NFIB: variants seen among roughly 807,000 people sequenced by gnomAD.
The protein encoded by NFIB is nuclear factor I B.
A neutral mutation model predicts 61.5 loss-of-function variants in NFIB; 11 were observed. That is an observed-to-expected ratio of 0.18 (90% CI 0.11 to 0.30). The LOEUF (loss-of-function observed/expected upper bound fraction) is 0.30. Ranked by LOEUF, NFIB falls within the 10% of genes least tolerant of loss-of-function variation. The pLI is 1.00. For synonymous variants in NFIB, 260 were observed against 216.5 expected, an observed-to-expected ratio of 1.20 and a Z score of -1.76; for missense variants, 471 against 608.9, an observed-to-expected ratio of 0.77 and a Z score of 2.38.
chr9:14,255,634 CCCT>C (rs1354516025), intron 2 of NFIB, among the ~76,000 whole-genome samples: 1 of 152,120 alleles, frequency 6.6e-6, no homozygotes, highest in Non-Finnish European at 1.5e-5. Flanking sequence ...GACAGATTAA[CCCT>C]CCTAACATCC....
chr9:14,417,053 C>T, the NFIB span, among the ~76,000 whole-genome samples: 1,933 of 151,426 alleles, frequency 0.013, 33 homozygotes, highest in African/African-American at 0.043. Context: ...TCACCACACC[C>T]GGCTAATTTT....
At chr9:14,173,681 G>T (rs1335693368) in intron 3 of NFIB, among the ~76,000 whole-genome samples, 1 of 152,184 alleles carries the variant, frequency 6.6e-6, no homozygotes, top group Non-Finnish European at 1.5e-5. Context: ...GCAAATGGCT[G>T]TCTCTGCTTC....
At chr9:14,197,220 G>C (rs545876984) in intron 2 of NFIB, among the ~76,000 whole-genome samples, 1 of 152,274 alleles carries the variant, frequency 6.6e-6, no homozygotes, top group African/African-American at 2.4e-5. Context: ...ATTTTTCATT[G>C]CATTTCCCCT....
At chr9:14,387,191 T>C (rs61696691) in intron 1 of NFIB, among the ~76,000 whole-genome samples, 13,979 of 152,262 alleles carry the variant, frequency 0.092, 790 homozygotes, top group East Asian at 0.17. Context: ...AATTATTTTT[T>C]ATACTGGCTT....
At chr9:14,188,933 C>A (rs2047655614) in intron 2 of NFIB, among the ~76,000 whole-genome samples, 1 of 152,176 alleles carries the variant, frequency 6.6e-6, no homozygotes. Context: ...AGAACATAAT[C>A]ATGAAGGCAA....
Position 14,181,707 on chromosome 9 carries a change from AT to A in NFIB, c.563-1928del, listed in dbSNP as rs995228333. 3.9e-5 allele frequency among the ~76,000 whole-genome samples: 6 copies of A among 152,268 alleles called. No homozygotes were observed. In the East Asian group the frequency reaches 7.7e-4, roughly 20 times the overall value. On this transcript the variant is annotated intron_variant, in intron 2 of 10. Transcript: ENST00000380953. ...GTTTAATTTCTCAAGCGATTCTAAC[AT>A]TTTTTAGGAATTCCTACTTATGTAT...
At chr9:14,335,738 T>A (rs1010557510) in intron 1 of NFIB, among the ~76,000 whole-genome samples, 1 of 152,174 alleles carries the variant, frequency 6.6e-6, no homozygotes. Context: ...ATCTAAGACA[T>A]TTTGCTTAAT....
At chr9:14,422,162 G>C in the NFIB span, among the ~76,000 whole-genome samples, 1 of 152,182 alleles carries the variant, frequency 6.6e-6, no homozygotes, top group Non-Finnish European at 1.5e-5. Flanking sequence ...CATGACAAAG[G>C]AGACTCCGAC....
At chr9:14,248,623 TC>T (rs1239404068) in intron 2 of NFIB, among the ~76,000 whole-genome samples, 1 of 152,092 alleles carries the variant, frequency 6.6e-6, no homozygotes, top group Non-Finnish European at 1.5e-5. Context: ...AAGCCACTCT[TC>T]CCCACTTTCT....
At chr9:14,143,648 T>C (rs901436168) in intron 6 of NFIB, among the ~76,000 whole-genome samples, 107 of 152,262 alleles carry the variant, frequency 7.0e-4, no homozygotes, top group African/African-American at 2.5e-3. Context: ...GAGTATCAAT[T>C]AGTGCAGGGC....
At chr9:14,402,209 ATCCAG>A (rs1473940696), upstream of NFIB, among the ~76,000 whole-genome samples, 8 of 152,186 alleles carry the variant, frequency 5.3e-5, no homozygotes, top group Non-Finnish European at 1.2e-4. Flanking sequence ...GATGAAATTG[ATCCAG>A]CAAAGCTGAA....
At chr9:14,478,486 C>T in the NFIB span, among the ~76,000 whole-genome samples, 1 of 151,984 alleles carries the variant, frequency 6.6e-6, no homozygotes, top group Non-Finnish European at 1.5e-5. Flanking sequence ...CAGAGTCTAC[C>T]CTAAAGAGAT....
chr9:14,518,136 G>T, the NFIB span, among the ~76,000 whole-genome samples: 1 of 152,164 alleles, frequency 6.6e-6, no homozygotes, highest in Admixed American at 6.5e-5. Context: ...AAACGTTTGG[G>T]TCTATATGCC....
intron 2 of NFIB, among the ~76,000 whole-genome samples, chr9:14,215,761 G>C (rs920639654): frequency 2.6e-5 from 4 of 152,090 alleles, no homozygotes; most frequent in African/African-American, 9.7e-5. Context: ...ATTACCAAAA[G>C]CAAACATTAC....
chr9:14,477,167 G>T, the NFIB span, among the ~76,000 whole-genome samples: 1 of 152,182 alleles, frequency 6.6e-6, no homozygotes, highest in Non-Finnish European at 1.5e-5. Context: ...CTGAGGCAGT[G>T]TGTAGGGGAT....
chr9:14,119,646 G>C (rs772549764), intron 8 of NFIB, among the ~76,000 whole-genome samples: 14 of 152,174 alleles, frequency 9.2e-5, no homozygotes, highest in Non-Finnish European at 1.5e-4. Context: ...GAGTCTTAGA[G>C]GTAAAGCAGC....
At chr9:14,202,128 T>TCA (rs3080833) in intron 2 of NFIB, among the ~76,000 whole-genome samples, 36,446 of 146,830 alleles carry the variant, frequency 0.25, 4,518 homozygotes, top group East Asian at 0.35. Context: ...TTGATACTTT[T>TCA]CACACACACA....
the NFIB span, among the ~76,000 whole-genome samples, chr9:14,411,407 G>T: frequency 1.3e-5 from 2 of 152,112 alleles, no homozygotes; most frequent in African/African-American, 2.4e-5. Flanking sequence ...CATGCAGGGG[G>T]GTGTGGCTCA....
intron 1 of NFIB, among the ~76,000 whole-genome samples, chr9:14,331,791 G>A (rs1306769751): frequency 6.6e-6 from 1 of 152,196 alleles, no homozygotes; most frequent in Admixed American, 6.5e-5. Context: ...GCCTGCTTCA[G>A]TGTGGTTGTT....
Sources: allele counts gnomAD v4.1 joint callset (sites outside exome capture counted in the v4.1 genomes callset), GRCh38; gene constraint gnomAD v4.1.1; transcripts MANE v1.5; gene names NCBI Gene and HGNC (gene_info 2026-07-23, HGNC 2026-07-21).